The following MGAT4C variants were observed in gnomAD, a reference collection of about 807,000 sequenced individuals.
The protein encoded by MGAT4C is MGAT4 family member C, also known as alpha-1,3-mannosyl-glycoprotein 4-beta-N-acetylglucosaminyltransferase C.
A neutral mutation model predicts 40.1 loss-of-function variants in MGAT4C; 19 were observed. That is an observed-to-expected ratio of 0.47 (90% CI 0.33 to 0.70). The LOEUF is 0.70. MGAT4C is among the 30% of genes least tolerant of loss of function. The pLI, the probability that MGAT4C is intolerant of heterozygous loss-of-function variation, is 0.02. For synonymous variants in MGAT4C, 181 were observed against 187.1 expected (o/e 0.97, Z 0.27); for missense variants, 491 against 563.2 (o/e 0.87, Z 1.30).
intron 2 of MGAT4C, among the ~76,000 whole-genome samples, chr12:86,024,861 C>T (rs1442598309): frequency 6.6e-6 from 1 of 151,196 alleles, no homozygotes; most frequent in Non-Finnish European, 1.5e-5. Flanking sequence ...GTGTCAATTC[C>T]CTTTATTCGA....
chr12:86,387,432 GA>G (rs1956074407), intron 3 of MGAT4C, among the ~76,000 whole-genome samples: 1 of 151,860 alleles, frequency 6.6e-6, no homozygotes, highest in Non-Finnish European at 1.5e-5. Context: ...ATCTAGAATT[GA>G]AAACAGAATT....
chr12:86,238,651 C>G (rs1001528650), intron 1 of MGAT4C, among the ~76,000 whole-genome samples: 11 of 151,776 alleles, frequency 7.2e-5, no homozygotes, highest in African/African-American at 2.7e-4. Flanking sequence ...TCATCCAGCA[C>G]AATAATAAAA....
intron 4 of MGAT4C, among the ~76,000 whole-genome samples, chr12:86,293,356 T>G: frequency 6.6e-6 from 1 of 152,186 alleles, no homozygotes; most frequent in African/African-American, 2.4e-5. Flanking sequence ...TATTATAAGA[T>G]AATGAGCTGG....
At chr12:86,244,816 T>C (rs1444400713) in intron 1 of MGAT4C, among the ~76,000 whole-genome samples, 1 of 152,184 alleles carries the variant, frequency 6.6e-6, no homozygotes, top group African/African-American at 2.4e-5. Context: ...AGAAAGAACA[T>C]GTGCCAATGC....
At chr12:86,647,696 A>G (rs1350466044) in intron 2 of MGAT4C, among the ~76,000 whole-genome samples, 1 of 151,968 alleles carries the variant, frequency 6.6e-6, no homozygotes, top group Non-Finnish European at 1.5e-5. Flanking sequence ...ACTCAGAATG[A>G]TAACAAGTAT....
chr12:86,036,344 A>T lies in MGAT4C; in HGVS notation c.-7+13330T>A, dbSNP rs532696477. On this transcript the variant is annotated intron_variant, in intron 2 of 4. Transcript: ENST00000611864. ...TTGATTGCCCTGGCCAGAACTTCCA[A>T]TATTATGTTGAATAGGAGTGGTGAG... Among the ~76,000 whole-genome samples, 9 of 149,970 alleles carry T rather than the reference A, an allele frequency of 6.0e-5. No individual in the cohort carries two copies. The South Asian group carries it at 1.9e-3, about 32-fold the overall frequency.
intron 2 of MGAT4C, among the ~76,000 whole-genome samples, chr12:86,502,909 A>T (rs1439388430): frequency 2.3e-4 from 3 of 12,992 alleles, no homozygotes; most frequent in Admixed American, 1.1e-3. Flanking sequence ...TATATATATG[A>T]GTTCTGCTCA....
At chr12:86,533,632 T>C (rs985452140) in intron 2 of MGAT4C, among the ~76,000 whole-genome samples, 1 of 151,628 alleles carries the variant, frequency 6.6e-6, no homozygotes, top group Non-Finnish European at 1.5e-5. Flanking sequence ...TATATACTAC[T>C]ATATACACAC....
intron 1 of MGAT4C, among the ~76,000 whole-genome samples, chr12:86,215,304 C>T (rs1020386265): frequency 3.9e-5 from 6 of 152,094 alleles, no homozygotes; most frequent in Non-Finnish European, 7.4e-5. Context: ...TCCATGGCTG[C>T]GTCCATAATC....
intron 2 of MGAT4C, among the ~76,000 whole-genome samples, chr12:86,046,578 T>C (rs1294704272): frequency 6.6e-6 from 1 of 152,094 alleles, no homozygotes; most frequent in Non-Finnish European, 1.5e-5. Flanking sequence ...CCAGGTTCAG[T>C]GGAATTACCC....
intron 1 of MGAT4C, among the ~76,000 whole-genome samples, chr12:86,187,979 C>G (rs1012060540): frequency 2.6e-5 from 4 of 152,072 alleles, no homozygotes; most frequent in African/African-American, 9.7e-5. Flanking sequence ...AAAGCATTCA[C>G]ATCCAAAGTG....
At chr12:86,311,372 C>T (rs762073232) in intron 4 of MGAT4C, among the ~76,000 whole-genome samples, 15 of 152,186 alleles carry the variant, frequency 9.9e-5, no homozygotes, top group East Asian at 1.9e-4. Flanking sequence ...TATAATCTTA[C>T]GGGGTCACCG....
chr12:86,697,210 T>C (rs987274662), intron 2 of MGAT4C, among the ~76,000 whole-genome samples: 4 of 152,118 alleles, frequency 2.6e-5, no homozygotes. Flanking sequence ...ATTTCCTAAA[T>C]ATATTCGCTA....
intron 2 of MGAT4C, among the ~76,000 whole-genome samples, chr12:86,025,352 G>A (rs546519338): frequency 9.2e-5 from 14 of 151,490 alleles, no homozygotes; most frequent in Non-Finnish European, 1.8e-4. Flanking sequence ...TTGTGTAATC[G>A]AAACATCATT....
At chr12:86,669,026 T>TCC (rs1447365669) in intron 2 of MGAT4C, among the ~76,000 whole-genome samples, 1 of 152,104 alleles carries the variant, frequency 6.6e-6, no homozygotes, top group East Asian at 1.9e-4. Flanking sequence ...CTCCAGGTAT[T>TCC]TGGAGCACTT....
rs797019114 is a variant in MGAT4C at position 86,553,598 on chromosome 12, C to CAATCATTTGT, written c.-228-118343_-228-118334dup. The stretch of plus-strand genomic sequence containing the variant: ...CGTTTATCTTTAAATTTGCACCCTC[C>CAATCATTTGT]AATCATTTGTTTTACCTGAAAACAT... On this transcript the variant is annotated intron_variant, in intron 2 of 7. Transcript: ENST00000548651. Among the ~76,000 whole-genome samples the CAATCATTTGT allele has an allele frequency of 7.9e-5, 12 of 152,252 alleles. 1 individual carries two copies. Among genetic ancestry groups the CAATCATTTGT allele is most frequent in the African/African-American group, 2.6e-4 (11 of 41,560 alleles).
chr12:86,090,192 A>T (rs1872641678), intron 1 of MGAT4C, among the ~76,000 whole-genome samples: 2 of 151,640 alleles, frequency 1.3e-5, no homozygotes, highest in Admixed American at 1.3e-4. Context: ...TTATCTGTTT[A>T]TGTCAAATAT....
intron 4 of MGAT4C, among the ~76,000 whole-genome samples, chr12:86,331,241 G>T (rs76799973): frequency 0.026 from 3,902 of 152,280 alleles, 80 homozygotes; most frequent in Non-Finnish European, 0.036. Context: ...CCAAGCGGTT[G>T]CATCCCTTCT....
intron 4 of MGAT4C, among the ~76,000 whole-genome samples, chr12:85,980,890 G>A (rs577249484): frequency 6.6e-6 from 1 of 152,060 alleles, no homozygotes; most frequent in Non-Finnish European, 1.5e-5. Context: ...AGTTTCAAAT[G>A]ATACAAAAGA....
Sources: allele counts gnomAD v4.1 joint callset (sites outside exome capture counted in the v4.1 genomes callset), GRCh38; gene constraint gnomAD v4.1.1; transcripts MANE v1.5; gene names NCBI Gene and HGNC (gene_info 2026-07-23, HGNC 2026-07-21).